The following DLC1 variants were observed in gnomAD, a reference collection of about 807,000 sequenced individuals.
The protein encoded by DLC1 is rho GTPase-activating protein 7.
In DLC1, 54 loss-of-function variants were observed where a neutral mutation model predicts 140.3. The ratio of observed to expected loss-of-function variants is 0.38; its 90% confidence interval spans 0.31 to 0.48. The LOEUF (loss-of-function observed/expected upper bound fraction) is 0.48. Among genes scored for constraint, DLC1 ranks in the 20% least tolerant of loss-of-function variants. DLC1 has a pLI of 0.96. For synonymous variants in DLC1, 986 were observed against 728.1 expected (o/e 1.35, Z -5.70); for missense variants, 2,536 against 1,907.0 (o/e 1.33, Z -6.14).
At chr8:13,206,398 A>G (rs183630582) in intron 5 of DLC1, among the ~76,000 whole-genome samples, 12 of 152,304 alleles carry the variant, frequency 7.9e-5, no homozygotes, top group Admixed American at 3.3e-4. Flanking sequence ...GTAAGCACAG[A>G]TGTTTCTAAT....
At chr8:13,116,091 G>GTAAA in intron 5 of DLC1, 1 of 957,714 alleles carries the variant, frequency 1.0e-6, no homozygotes. Flanking sequence ...ATTTATCTGA[G>GTAAA]TAAAGTCACA....
At chr8:13,297,894 A>G (rs996039018) in intron 5 of DLC1, among the ~76,000 whole-genome samples, 3 of 151,928 alleles carry the variant, frequency 2.0e-5, no homozygotes, top group African/African-American at 7.3e-5. Flanking sequence ...TGTTGTTGTT[A>G]TTCATTTGCA....
At chr8:13,147,928 C>T (rs1823550716) in intron 5 of DLC1, among the ~76,000 whole-genome samples, 1 of 152,064 alleles carries the variant, frequency 6.6e-6, no homozygotes, top group South Asian at 2.1e-4. Flanking sequence ...GCGGAGGTTG[C>T]AGTGGCAGAG....
At chr8:13,269,492 G>A (rs1352241249) in intron 5 of DLC1, among the ~76,000 whole-genome samples, 1 of 151,930 alleles carries the variant, frequency 6.6e-6, no homozygotes, top group African/African-American at 2.4e-5. Context: ...CAGCTGGGAG[G>A]ATCACTTGAG....
At position 13,187,281 on chromosome 8, in the gene DLC1, T is replaced by C. The variant is rs1826435027; in HGVS notation, c.1349-71624A>G. ...CTATGATAGCAGACATTTGATCTGC[T>C]TTAGTCACTGATGTGTCCCTGGAGC... On this transcript the variant is annotated intron_variant, in intron 5 of 17. Transcript: ENST00000276297. Among the ~76,000 whole-genome samples, 4 of 152,238 alleles carry C rather than the reference T, an allele frequency of 2.6e-5. No individual in the cohort carries two copies. In the South Asian group the frequency reaches 8.3e-4, roughly 31 times the overall value.
chr8:13,115,540 G>T, intron 6 of DLC1, 46 bp downstream of exon 6: 2 of 1,536,544 alleles, frequency 1.3e-6, no homozygotes, highest in South Asian at 1.1e-5. Flanking sequence ...CGCGAACAAG[G>T]GATTATGATT....
chr8:13,146,196 A>C lies in DLC1; in HGVS notation c.1349-30539T>G, dbSNP rs369129143. On this transcript the variant is annotated intron_variant, in intron 5 of 17. Coordinates refer to ENST00000276297, the MANE Select transcript of DLC1 (RefSeq NM_182643.3). ...AGGCTGAGGCAGGAGAATCACTTGAACCCGGGAGGTGGAGGCCGAAGTGAG... is the reference window on the plus strand; with the variant it reads ...AGGCTGAGGCAGGAGAATCACTTGACCCCGGGAGGTGGAGGCCGAAGTGAG... Among the ~76,000 whole-genome samples the C allele has an allele frequency of 7.9e-3, 1,202 of 151,294 alleles. 14 individuals carry two copies. The highest frequency in any genetic ancestry group is 0.027 in the African/African-American group (1,109 of 41,144).
intron 5 of DLC1, among the ~76,000 whole-genome samples, chr8:13,181,443 C>T (rs7835954): frequency 6.6e-5 from 10 of 150,698 alleles, no homozygotes; most frequent in African/African-American, 2.2e-4. Flanking sequence ...CCCATCAACT[C>T]GTCATTTATA....
intron 5 of DLC1, among the ~76,000 whole-genome samples, chr8:13,193,113 C>T (rs1198450861): frequency 6.6e-6 from 1 of 152,156 alleles, no homozygotes; most frequent in African/African-American, 2.4e-5. Flanking sequence ...TTTAAGTCTT[C>T]CTTATGGAGA....
chr8:13,250,329 G>C (rs1416226076), intron 5 of DLC1, among the ~76,000 whole-genome samples: 7 of 152,154 alleles, frequency 4.6e-5, no homozygotes, highest in Admixed American at 3.9e-4. Context: ...GTTCCCTATA[G>C]TTCAAAGAGT....
chr8:13,446,947 A>T (rs1798803639), intron 2 of DLC1, among the ~76,000 whole-genome samples: 1 of 152,088 alleles, frequency 6.6e-6, no homozygotes, highest in South Asian at 2.1e-4. Context: ...CATCTCAAAA[A>T]AAAAAAGAAG....
intron 2 of DLC1, among the ~76,000 whole-genome samples, chr8:13,483,092 C>T (rs1286030939): frequency 3.9e-5 from 6 of 152,162 alleles, no homozygotes; most frequent in Non-Finnish European, 2.9e-5. Flanking sequence ...CCTCTTCTGG[C>T]TTCTAGTGGC....
intron 2 of DLC1, among the ~76,000 whole-genome samples, chr8:13,449,323 A>G (rs1798938129): frequency 6.6e-6 from 1 of 152,200 alleles, no homozygotes; most frequent in Admixed American, 6.5e-5. Context: ...TTGAAACAAG[A>G]AGGAGGCAAG....
chr8:13,338,817 G>C (rs1369700949), intron 4 of DLC1: 1 of 152,128 alleles, frequency 6.6e-6, no homozygotes, highest in African/African-American at 2.4e-5. Context: ...AAATAATTGA[G>C]TAACAATAAA....
At chr8:13,427,916 G>C (rs529471031) in intron 2 of DLC1, among the ~76,000 whole-genome samples, 6 of 152,218 alleles carry the variant, frequency 3.9e-5, no homozygotes, top group African/African-American at 1.2e-4. Context: ...AAAATGTTAG[G>C]CATATAGTGG....
intron 7 of DLC1, among the ~76,000 whole-genome samples, chr8:13,109,069 G>C (rs1819835332): frequency 6.6e-6 from 1 of 152,136 alleles, no homozygotes; most frequent in African/African-American, 2.4e-5. Flanking sequence ...CTTAAACCAT[G>C]AGAACTAGTC....
intron 5 of DLC1, among the ~76,000 whole-genome samples, chr8:13,234,586 A>C (rs1164053579): frequency 1.3e-5 from 2 of 152,020 alleles, no homozygotes; most frequent in African/African-American, 2.4e-5. Flanking sequence ...TTTTAGAGTG[A>C]GGGAATCTAG....
At chr8:13,248,378 G>A (rs754500119) in intron 5 of DLC1, among the ~76,000 whole-genome samples, 2 of 102,630 alleles carry the variant, frequency 1.9e-5, no homozygotes, top group African/African-American at 4.3e-5. Context: ...GTTGCAGGAA[G>A]AAAGACTCTC....
At chr8:13,551,841 T>C (rs988055115) in intron 1 of DLC1, among the ~76,000 whole-genome samples, 16 of 149,152 alleles carry the variant, frequency 1.1e-4, no homozygotes, top group African/African-American at 3.7e-4. Context: ...GACAGGTATA[T>C]ATATGCACCT....
Sources: allele counts gnomAD v4.1 joint callset (sites outside exome capture counted in the v4.1 genomes callset), GRCh38; gene constraint gnomAD v4.1.1; transcripts MANE v1.5; gene names NCBI Gene and HGNC (gene_info 2026-07-23, HGNC 2026-07-21).